CIDEC: variants seen among roughly 807,000 people sequenced by gnomAD.
CIDEC encodes cell death inducing DFFA like effector c.
CIDEC carries 11 observed loss-of-function variants against 21.9 expected under a neutral mutation model. That is an observed-to-expected ratio of 0.50 (90% confidence interval 0.32 to 0.83). The LOEUF (loss-of-function observed/expected upper bound fraction) is 0.83, where lower values mean the gene tolerates loss of function less well. Ranked by LOEUF, CIDEC falls within the 40% of genes least tolerant of loss-of-function variation. The pLI is 0.04. For missense variants in CIDEC, 302 were observed against 302.3 expected (o/e 1.00, Z 0.01); for synonymous variants, 127 against 124.9 (o/e 1.02, Z -0.11).
At position 9,869,159 on chromosome 3, in the gene CIDEC, A is replaced by G. The variant is rs1360481028; in HGVS notation, c.554+723T>C. ...CATCATTCTTCCTGGACCTGTATAT[A>G]TGTGGGATTTTGAAATCTCCTTTGA... On this transcript the variant is annotated intron_variant, in intron 6 of 6. Transcript: ENST00000336832. Among the ~76,000 whole-genome samples, 3 of 152,090 alleles carry G rather than the reference A, an allele frequency of 2.0e-5. No homozygotes were observed. The East Asian group carries it at 5.8e-4, about 29-fold the overall frequency.
rs773749639 is a variant in CIDEC at position 9,877,151 on chromosome 3, CT to C, written c.121del (p.Arg41GlyfsTer7). On this transcript the variant is annotated frameshift_variant, in exon 4 of 7. Transcript: ENST00000336832. LOFTEE classifies it high-confidence loss of function. Reference protein sequence around the residue: ...LLSEPSPKAPRARPCRVSTAD... With the variant: ...LLSEPSPKAPXARPCRVSTAD... ...CGTGCTTACGCGGCAGGGCCGGGCC[CT>C]GGGGGCCTTGGGGCTGGGCTCCGAC... 8 of 1,551,886 alleles carry C rather than the reference CT, an allele frequency of 5.2e-6. No individual in the cohort carries two copies. In the South Asian group the frequency reaches 9.5e-5, roughly 18 times the overall value.
intron 4 of CIDEC, among the ~76,000 whole-genome samples, chr3:9,872,522 G>A (rs1284679782): frequency 2.0e-5 from 3 of 152,088 alleles, no homozygotes; most frequent in South Asian, 2.1e-4. Flanking sequence ...CTTCTTTGGA[G>A]AAATATCTAC....
chr3:9,878,850 C>A (rs2125054458), intron 2 of CIDEC, 92 bp downstream of exon 2: 1 of 1,531,126 alleles, frequency 6.5e-7, no homozygotes. Flanking sequence ...GAAGCCTTGC[C>A]CGATTTGTTC....
At position 9,870,269 on chromosome 3, in the gene CIDEC, T is replaced by C; in HGVS notation, c.261A>G (p.Glu87=). Reference sequence around the variant, plus strand: ...CTTCTGTCTCTACAGTTGTGCCATCTTCCTCCAGCACCAGGAAGAAGGGCT... The same window carrying C: ...CTTCTGTCTCTACAGTTGTGCCATCCTCCTCCAGCACCAGGAAGAAGGGCT... The part of the protein sequence containing the change: ...ADKPFFLVLE[E]DGTTVETEEY... Residue 87 remains glutamate, a synonymous_variant, in exon 5 of 7, where the codon GAA becomes GAG. Coordinates refer to ENST00000336832, the MANE Select transcript of CIDEC (RefSeq NM_001321142.2). 1.2e-6 allele frequency: 2 copies of C among 1,614,130 alleles called. No individual in the cohort carries two copies. Among genetic ancestry groups the C allele is most frequent in the Non-Finnish European group, 1.7e-6 (2 of 1,180,022 alleles).
rs369431501 is a variant in CIDEC at position 9,870,070 on chromosome 3, C to T, written c.367-1G>A. The T allele has an allele frequency of 4.4e-5, 71 of 1,613,992 alleles. No homozygotes were observed. The highest frequency in any genetic ancestry group is 5.5e-5 in the Non-Finnish European group (65 of 1,179,970). On this transcript the variant is annotated splice_acceptor_variant, in intron 5 of 6. Transcript: ENST00000336832. LOFTEE classifies it high-confidence loss of function. ...AGAGGGACAGTGGGTGCCTTGTCCC[C>T]TGCATTGAGACAAGCAAATGGTTAG... is the stretch of plus-strand genomic sequence containing the variant.
chr3:9,877,888 C>T (rs2082449395), intron 3 of CIDEC: 1 of 163,888 alleles, frequency 6.1e-6, no homozygotes, highest in African/African-American at 2.4e-5. Flanking sequence ...ACCCACCCCA[C>T]ATTCCCCATT....
At chr3:9,871,724 G>C (rs184014107) in intron 4 of CIDEC, among the ~76,000 whole-genome samples, 1 of 152,070 alleles carries the variant, frequency 6.6e-6, no homozygotes, top group Admixed American at 6.5e-5. Flanking sequence ...CCACCTCCTG[G>C]GTTCAAGCGA....
At chr3:9,867,366 T>A in intron 6 of CIDEC, 70 bp from the exon 7 acceptor site, 2 of 1,553,366 alleles carry the variant, frequency 1.3e-6, no homozygotes, top group Non-Finnish European at 1.8e-6. Context: ...ACGCCTGTAA[T>A]CCTAGCACTT....
chr3:9,877,227 A>G lies in CIDEC; in HGVS notation c.54-8T>C. 3 of 1,549,924 alleles carry G rather than the reference A, an allele frequency of 1.9e-6. No homozygotes were observed. The highest frequency in any genetic ancestry group is 2.6e-6 in the Non-Finnish European group (3 of 1,146,974). On this transcript the variant is annotated splice_region_variant and splice_polypyrimidine_tract_variant and intron_variant, in intron 3 of 6. Coordinates refer to ENST00000336832, the MANE Select transcript of CIDEC (RefSeq NM_001321142.2). ...GTACGCACTGACACATGCCTGGGGC[A>G]GTTGAAGCATCAGGGTGAGCCACCC...
chr3:9,870,638 GA>G (rs1320018627), intron 4 of CIDEC, among the ~76,000 whole-genome samples: 11 of 152,284 alleles, frequency 7.2e-5, no homozygotes, highest in Admixed American at 7.2e-4. Context: ...ATAGTGCAGT[GA>G]CTACTAGGCT....
At position 9,867,068 on chromosome 3, in the gene CIDEC, C is replaced by A. The variant is rs771626198; in HGVS notation, c.*66G>T. 3 of 1,560,982 alleles carry A rather than the reference C, an allele frequency of 1.9e-6. No individual in the cohort carries two copies. The highest frequency in any genetic ancestry group is 1.8e-6 in the Non-Finnish European group (2 of 1,133,332). On this transcript the variant is annotated 3_prime_UTR_variant, in exon 7 of 7. Transcript: ENST00000336832. ...TCTACAGCTGCCAGGCTTGTGGGCA[C>A]TACCAGTTAAGCGTGAGGCCCCCAG...
rs988493757 is a variant in CIDEC, at chr3:9,866,850, A to AG, written c.*283dup. ...TACAGCCTGCGAGGCCAGATTGCTA[A>AG]GGGGCAGACTTCATGCCAATGGAGG... On this transcript the variant is annotated 3_prime_UTR_variant, in exon 7 of 7. Transcript: ENST00000336832. 830 of 599,140 alleles carry AG rather than the reference A, an allele frequency of 1.4e-3. 13 individuals carry two copies. The highest frequency in any genetic ancestry group is 4.4e-4 in the Middle Eastern group (1 of 2,272). The allele number at this position is 599,140 out of a possible 1,614,324, so 37.1% of individuals were successfully genotyped here.
chr3:9,874,349 C>G (rs1336815821), intron 4 of CIDEC, among the ~76,000 whole-genome samples: 1 of 151,684 alleles, frequency 6.6e-6, no homozygotes, highest in Non-Finnish European at 1.5e-5. Flanking sequence ...GACCCCCTCT[C>G]TATTTAAAAA....
chr3:9,868,412 C>T (rs2082302291), intron 6 of CIDEC, among the ~76,000 whole-genome samples: 2 of 152,170 alleles, frequency 1.3e-5, no homozygotes, highest in African/African-American at 4.8e-5. Flanking sequence ...AGAACAGAAC[C>T]TGAATCAGGC....
chr3:9,877,238 C>G lies in CIDEC; in HGVS notation c.54-19G>C. ...CACATGCCTGGGGCAGTTGAAGCAT[C>G]AGGGTGAGCCACCCACTTTGCCCAA... On this transcript the variant is annotated intron_variant, in intron 3 of 6. Transcript: ENST00000336832. 1 of 1,549,672 alleles carries G rather than the reference C, an allele frequency of 6.5e-7. No individual in the cohort carries two copies. Among genetic ancestry groups the G allele is most frequent in the African/African-American group, 1.4e-5 (1 of 73,102 alleles).
chr3:9,866,863 A>T lies in CIDEC; in HGVS notation c.*271T>A. The T allele has an allele frequency of 1.7e-6, 1 of 604,980 alleles. No homozygotes were observed. Among genetic ancestry groups the T allele is most frequent in the Non-Finnish European group, 3.0e-6 (1 of 338,740 alleles). The allele number at this position is 604,980 out of a possible 1,614,324, so 37.5% of individuals were successfully genotyped here. A position where few individuals can be genotyped will look rare whatever the true frequency, so the allele number is the denominator to read the frequency against. On this transcript the variant is annotated 3_prime_UTR_variant, in exon 7 of 7. Transcript: ENST00000336832. ...GCCAGATTGCTAAGGGGCAGACTTC[A>T]TGCCAATGGAGGGACAGACTTCAGG...
rs753517389 is a variant in CIDEC at position 9,870,179 on chromosome 3, C to A, written c.351G>T (p.Gln117His). The A allele has an allele frequency of 1.7e-5, 28 of 1,614,186 alleles. No individual in the cohort carries two copies. The highest frequency in any genetic ancestry group is 2.3e-5 in the Non-Finnish European group (27 of 1,180,034). ...FMVLQKGQKWQPPSEQGTRHP... is the reference protein window; with the variant it reads ...FMVLQKGQKWHPPSEQGTRHP... ...GGGACCTCACCTGTTCTGATGGGGGCTGCCATTTCTGCCCCTTCTGGAGGA... is the reference window on the plus strand; with the variant it reads ...GGGACCTCACCTGTTCTGATGGGGGATGCCATTTCTGCCCCTTCTGGAGGA... Residue 117 changes from glutamine to histidine, a missense_variant, in exon 5 of 7, where the codon CAG (glutamine) becomes CAT (histidine). By Grantham distance (24) the Gln-to-His change is conservative. Transcript: ENST00000336832.
intron 4 of CIDEC, among the ~76,000 whole-genome samples, chr3:9,876,818 A>C (rs1262682947): frequency 1.3e-5 from 2 of 151,686 alleles, no homozygotes; most frequent in Non-Finnish European, 2.9e-5. Context: ...ATTTTCCAGC[A>C]AGAAAAATGT....
intron 4 of CIDEC, among the ~76,000 whole-genome samples, chr3:9,875,533 C>T (rs573884535): frequency 6.6e-6 from 1 of 152,208 alleles, no homozygotes; most frequent in South Asian, 2.1e-4. Flanking sequence ...AAGAGACATA[C>T]AATTAAATAA....
Sources: gnomAD v4.1 joint callset for allele counts (sites outside exome capture counted in the v4.1 genomes callset) on GRCh38, gnomAD v4.1.1 for gene constraint, MANE v1.5 for transcripts, NCBI Gene and HGNC (gene_info 2026-07-23, HGNC 2026-07-21) for gene names.